CDH13: variants seen among roughly 807,000 people sequenced by gnomAD.
CDH13 encodes the protein cadherin 13.
Under a neutral mutation model 63.8 loss-of-function variants are expected in CDH13, and 24 were observed. The observed-to-expected ratio is 0.38, with a 90% confidence interval of 0.27 to 0.53. The LOEUF is 0.53. Ranked by LOEUF, CDH13 falls within the 20% of genes least tolerant of loss-of-function variation. The pLI is 0.85. For synonymous variants in CDH13, 503 were observed against 355.3 expected (o/e 1.42, Z -4.67); for missense variants, 1,049 against 903.1 (o/e 1.16, Z -2.07).
chr16:83,657,931 C>T (rs996758881), intron 8 of CDH13, among the ~76,000 whole-genome samples: 1,299 of 81,268 alleles, frequency 0.016, 4 homozygotes, highest in African/African-American at 0.05. Context: ...TCCCATGTCC[C>T]CACCACCAGG....
rs888511756 is a variant in CDH13 at position 82,842,697 on chromosome 16, G to A, written c.46-15665G>A. On this transcript the variant is annotated intron_variant, in intron 1 of 13. Transcript: ENST00000567109. ...ATGATTCAAGCACATTACATTTATC[G>A]TACACTTAATTTCTATTATTATTAC... 3.4e-5 allele frequency among the ~76,000 whole-genome samples: 5 copies of A among 147,992 alleles called. No individual in the cohort carries two copies. The South Asian group carries it at 6.6e-4, about 20-fold the overall frequency.
chr16:82,931,724 A>T (rs2151295963), intron 2 of CDH13, among the ~76,000 whole-genome samples: 1 of 152,302 alleles, frequency 6.6e-6, no homozygotes, highest in Admixed American at 6.5e-5. Context: ...AGAGAAAATG[A>T]GAGCCAAATG....
intron 4 of CDH13, among the ~76,000 whole-genome samples, chr16:83,211,458 T>A (rs561997431): frequency 3.9e-5 from 6 of 152,350 alleles, no homozygotes; most frequent in Non-Finnish European, 8.8e-5. Context: ...AATGACCTTA[T>A]TTATGTAAAA....
At chr16:83,460,995 GCA>G (rs35631596) in intron 6 of CDH13, among the ~76,000 whole-genome samples, 8 of 147,806 alleles carry the variant, frequency 5.4e-5, no homozygotes, top group African/African-American at 1.5e-4. Flanking sequence ...ACACACACAC[GCA>G]CACACACACA....
At chr16:83,056,338 G>T (rs1018391740) in intron 3 of CDH13, among the ~76,000 whole-genome samples, 10 of 151,910 alleles carry the variant, frequency 6.6e-5, no homozygotes, top group Non-Finnish European at 1.5e-4. Flanking sequence ...TACACTAAAG[G>T]CTCTTACAAG....
chr16:83,764,667 C>T (rs1914242452), intron 11 of CDH13, among the ~76,000 whole-genome samples: 1 of 149,912 alleles, frequency 6.7e-6, no homozygotes, highest in Non-Finnish European at 1.5e-5. Context: ...ATCCTGCCTG[C>T]CTTCCCTGAG....
chr16:82,908,148 G>A (rs779094385), intron 2 of CDH13, among the ~76,000 whole-genome samples: 1 of 152,144 alleles, frequency 6.6e-6, no homozygotes, highest in Non-Finnish European at 1.5e-5. Context: ...TCAGGCAGAA[G>A]ACAGGTATGT....
At chr16:82,856,385 A>AAAAAAAG (rs1555530562) in intron 1 of CDH13, among the ~76,000 whole-genome samples, 32 of 95,292 alleles carry the variant, frequency 3.4e-4, no homozygotes, top group African/African-American at 1.1e-3. Flanking sequence ...AAAAAAAAAA[A>AAAAAAAG]AAAAGAAAAG....
At chr16:83,049,265 C>G (rs1415269782) in intron 3 of CDH13, among the ~76,000 whole-genome samples, 2 of 151,432 alleles carry the variant, frequency 1.3e-5, no homozygotes, top group Admixed American at 1.3e-4. Context: ...TTATGTATCA[C>G]CTATTTTTAT....
chr16:83,014,319 T>TAAAAAAAA (rs34322579), intron 2 of CDH13, among the ~76,000 whole-genome samples: 1 of 67,706 alleles, frequency 1.5e-5, no homozygotes, highest in Non-Finnish European at 3.3e-5. Context: ...CCCAAATCGA[T>TAAAAAAAA]AAAAAAAAAA....
chr16:83,113,522 G>A (rs931383094), intron 3 of CDH13, among the ~76,000 whole-genome samples: 2 of 152,270 alleles, frequency 1.3e-5, no homozygotes, highest in Non-Finnish European at 1.5e-5. Flanking sequence ...CCAGGAAAAT[G>A]TAGAGTCTGC....
intron 2 of CDH13, among the ~76,000 whole-genome samples, chr16:83,031,201 G>A (rs1481977471): frequency 2.7e-5 from 4 of 147,054 alleles, no homozygotes; most frequent in South Asian, 2.1e-4. Context: ...ATATACATGC[G>A]CATGTATACA....
At chr16:82,632,274 G>A (rs1597166856) in intron 1 of CDH13, among the ~76,000 whole-genome samples, 1 of 152,200 alleles carries the variant, frequency 6.6e-6, no homozygotes, top group Non-Finnish European at 1.5e-5. Context: ...CAAATGTTGA[G>A]GTTTGATCAA....
At chr16:82,815,711 GTGCCCCTAATCGTAGACTA>G (rs898730861) in intron 1 of CDH13, among the ~76,000 whole-genome samples, 2 of 152,160 alleles carry the variant, frequency 1.3e-5, no homozygotes, top group Middle Eastern at 3.2e-3. Flanking sequence ...ATGAAGAACA[GTGCCCCTAATCGTAGACTA>G]TCACTTTGTT....
chr16:83,413,663 C>A (rs1286305075), intron 6 of CDH13, among the ~76,000 whole-genome samples: 1 of 152,176 alleles, frequency 6.6e-6, no homozygotes, highest in African/African-American at 2.4e-5. Flanking sequence ...ATCCTCAAAA[C>A]AGCCCTCCCT....
intron 3 of CDH13, among the ~76,000 whole-genome samples, chr16:83,097,513 G>T (rs929175690): frequency 2.0e-5 from 3 of 152,164 alleles, no homozygotes; most frequent in Non-Finnish European, 4.4e-5. Context: ...TACCAAGGAA[G>T]GCTGTAAGGA....
At chr16:82,762,668 C>G (rs2034898312) in intron 1 of CDH13, among the ~76,000 whole-genome samples, 1 of 152,180 alleles carries the variant, frequency 6.6e-6, no homozygotes, top group African/African-American at 2.4e-5. Context: ...CCTGGCCAAA[C>G]AGTGGGCGTA....
intron 7 of CDH13, among the ~76,000 whole-genome samples, chr16:83,569,482 A>G (rs182833957): frequency 1.7e-4 from 26 of 152,340 alleles, no homozygotes; most frequent in African/African-American, 5.5e-4. Context: ...TCTGGAAACT[A>G]TGCTTGAAAT....
intron 13 of CDH13, among the ~76,000 whole-genome samples, chr16:83,791,294 C>T (rs1004919240): frequency 2.0e-5 from 3 of 152,004 alleles, no homozygotes; most frequent in African/African-American, 7.3e-5. Flanking sequence ...GTCAGGATTT[C>T]GAGACTAGCC....
Sources: allele counts gnomAD v4.1 joint callset (sites outside exome capture counted in the v4.1 genomes callset), GRCh38; gene constraint gnomAD v4.1.1; transcripts MANE v1.5; gene names NCBI Gene and HGNC (gene_info 2026-07-23, HGNC 2026-07-21).